VOPP1: variants seen among roughly 807,000 people sequenced by gnomAD.
The protein encoded by VOPP1 is WW domain binding protein VOPP1.
VOPP1 carries 8 observed loss-of-function variants against 23.5 expected under a neutral mutation model. The ratio of observed to expected loss-of-function variants is 0.34; its 90% confidence interval spans 0.20 to 0.61. VOPP1 has a LOEUF of 0.61. Ranked by LOEUF, VOPP1 falls within the 20% of genes least tolerant of loss-of-function variation. VOPP1 has a pLI of 0.78. For missense variants in VOPP1, 174 were observed against 238.1 expected (o/e 0.73, Z 1.77); for synonymous variants, 83 against 97.3 (o/e 0.85, Z 0.86).
chr7:55,551,131 C>T (rs1797589733), intron 1 of VOPP1, among the ~76,000 whole-genome samples: 1 of 152,170 alleles, frequency 6.6e-6, no homozygotes, highest in Non-Finnish European at 1.5e-5. Context: ...CCCTACCATC[C>T]CGCAGACATA....
chr7:55,552,736 T>C (rs768967568), intron 1 of VOPP1: 27 of 1,534,672 alleles, frequency 1.8e-5, no homozygotes, highest in Admixed American at 3.9e-5. Flanking sequence ...GGTCGCCAGG[T>C]TGCCGGCACA....
chr7:55,476,833 A>G (rs1792294824), intron 4 of VOPP1, among the ~76,000 whole-genome samples: 1 of 152,036 alleles, frequency 6.6e-6, no homozygotes, highest in African/African-American at 2.4e-5. Flanking sequence ...CCTCCCCACC[A>G]ATCACTCATG....
chr7:55,440,039 AG>A (rs750852827), intron 4 of VOPP1, among the ~76,000 whole-genome samples: 15 of 152,286 alleles, frequency 9.8e-5, no homozygotes, highest in Admixed American at 7.2e-4. Context: ...GTCTGGAGGC[AG>A]GTTGCGTGGT....
intron 4 of VOPP1, among the ~76,000 whole-genome samples, chr7:55,477,358 G>T (rs191817137): frequency 1.3e-5 from 2 of 152,366 alleles, no homozygotes; most frequent in East Asian, 3.9e-4. Flanking sequence ...GTGACTGAAG[G>T]GGGGACGAGT....
At chr7:55,558,528 C>T (rs1457959579) in intron 1 of VOPP1, among the ~76,000 whole-genome samples, 1 of 152,138 alleles carries the variant, frequency 6.6e-6, no homozygotes, top group African/African-American at 2.4e-5. Flanking sequence ...ACAGATGATG[C>T]TTTAATCGGG....
chr7:55,556,644 C>CCA (rs1554301481), intron 1 of VOPP1, among the ~76,000 whole-genome samples: 1 of 151,262 alleles, frequency 6.6e-6, no homozygotes, highest in Non-Finnish European at 1.5e-5. Context: ...GAACCCCCCC[C>CCA]CAAAACACTT....
chr7:55,503,410 A>G (rs1017482952), intron 2 of VOPP1, among the ~76,000 whole-genome samples: 4 of 152,200 alleles, frequency 2.6e-5, no homozygotes, highest in Admixed American at 2.6e-4. Flanking sequence ...GACACATTTA[A>G]TTCTTAGCCT....
chr7:55,449,293 G>A (rs1007167263), intron 4 of VOPP1, among the ~76,000 whole-genome samples: 1 of 152,166 alleles, frequency 6.6e-6, no homozygotes, highest in South Asian at 2.1e-4. Context: ...CGGATGGACC[G>A]GGACGCCGGC....
intron 4 of VOPP1, among the ~76,000 whole-genome samples, chr7:55,475,354 G>A (rs1792160116): frequency 6.6e-6 from 1 of 152,098 alleles, no homozygotes. Context: ...CAAGGGACTC[G>A]GCCACCACAG....
intron 4 of VOPP1, among the ~76,000 whole-genome samples, chr7:55,451,745 C>T (rs919344493): frequency 2.0e-5 from 3 of 152,200 alleles, no homozygotes; most frequent in African/African-American, 4.8e-5. Flanking sequence ...GAGCCAAGAT[C>T]GTGCCGCTGC....
chr7:55,540,398 AAAATAAATAAATAAATAAATAAATAAAT>A (rs200219554), intron 1 of VOPP1, among the ~76,000 whole-genome samples: 1 of 141,800 alleles, frequency 7.1e-6, no homozygotes, highest in African/African-American at 2.7e-5. Context: ...CTCTGTCTCA[AAAATAAATAAATAAATAAATAAATAAAT>A]AAATAAATAA....
intron 3 of VOPP1, 102 bp downstream of exon 3, chr7:55,497,511 C>G: frequency 1.8e-6 from 2 of 1,116,848 alleles, no homozygotes; most frequent in South Asian, 2.7e-5. Context: ...TTGAGGCCAC[C>G]ACCCAAGTGA....
chr7:55,478,751 G>C (rs1360988375), intron 4 of VOPP1, among the ~76,000 whole-genome samples: 1 of 152,238 alleles, frequency 6.6e-6, no homozygotes, highest in African/African-American at 2.4e-5. Flanking sequence ...ACAGATTCAT[G>C]TATCTCACAT....
chr7:55,443,019 T>C (rs12532090), intron 4 of VOPP1, among the ~76,000 whole-genome samples: 1,520 of 151,938 alleles, frequency 0.01, 111 homozygotes, highest in Admixed American at 0.093. Context: ...CTCAGGAGGC[T>C]GAGGCAGGAG....
At chr7:55,493,664 C>G (rs1793738854) in intron 3 of VOPP1, among the ~76,000 whole-genome samples, 1 of 152,146 alleles carries the variant, frequency 6.6e-6, no homozygotes, top group Non-Finnish European at 1.5e-5. Flanking sequence ...TGTCACCATA[C>G]TGATCACAGC....
intron 4 of VOPP1, 164 bp downstream of exon 4, chr7:55,492,118 T>G: frequency 9.8e-7 from 1 of 1,023,482 alleles, no homozygotes; most frequent in Non-Finnish European, 1.4e-6. Flanking sequence ...TTACATTTGT[T>G]ATCTGCACAA....
intron 1 of VOPP1, among the ~76,000 whole-genome samples, chr7:55,540,625 C>T (rs1233215339): frequency 3.9e-5 from 6 of 152,118 alleles, no homozygotes; most frequent in Admixed American, 3.9e-4. Context: ...CGAGTAAACA[C>T]GTGGAGCATA....
At chr7:55,533,507 T>A (rs1796608427) in intron 1 of VOPP1, among the ~76,000 whole-genome samples, 1 of 152,186 alleles carries the variant, frequency 6.6e-6, no homozygotes, top group Admixed American at 6.5e-5. Context: ...TGGTTGACTG[T>A]GCTGTCTGCC....
intron 1 of VOPP1, among the ~76,000 whole-genome samples, chr7:55,559,368 G>T (rs1193620640): frequency 6.6e-6 from 1 of 152,142 alleles, no homozygotes; most frequent in Non-Finnish European, 1.5e-5. Flanking sequence ...GGTGAGCACT[G>T]CCCATTAGCA....
Sources: allele counts gnomAD v4.1 joint callset (sites outside exome capture counted in the v4.1 genomes callset), GRCh38; gene constraint gnomAD v4.1.1; transcripts MANE v1.5; gene names NCBI Gene and HGNC (gene_info 2026-07-23, HGNC 2026-07-21).